ANKS1B: variants seen among roughly 807,000 people sequenced by gnomAD.
The protein encoded by ANKS1B is ankyrin repeat and sterile alpha motif domain containing 1B, also known as ankyrin repeat and sterile alpha motif domain-containing protein 1B.
ANKS1B carries 36 observed loss-of-function variants against 148.3 expected under a neutral mutation model. The observed-to-expected ratio is 0.24, with a 90% CI of 0.19 to 0.32. The LOEUF is 0.32. ANKS1B is among the 10% of genes least tolerant of loss of function. The pLI is 1.00. For synonymous variants in ANKS1B, 542 were observed against 560.8 expected (o/e 0.97, Z 0.47); for missense variants, 1,157 against 1,542.6 (o/e 0.75, Z 4.19).
intron 15 of ANKS1B, among the ~76,000 whole-genome samples, chr12:99,118,911 T>C (rs1350502397): frequency 6.6e-6 from 1 of 152,216 alleles, no homozygotes; most frequent in Non-Finnish European, 1.5e-5. Context: ...GATCAGTTTT[T>C]GGTCTCGGGG....
intron 24 of ANKS1B, among the ~76,000 whole-genome samples, chr12:98,778,479 C>G (rs996979875): frequency 1.3e-5 from 2 of 152,186 alleles, no homozygotes; most frequent in African/African-American, 4.8e-5. Context: ...TGCTTCAAAT[C>G]AAAGTGGCCC....
At chr12:99,387,130 T>G (rs2093893721) in intron 12 of ANKS1B, among the ~76,000 whole-genome samples, 1 of 150,754 alleles carries the variant, frequency 6.6e-6, no homozygotes. Flanking sequence ...CTAGGGGGAG[T>G]ATGGATGCAA....
At chr12:99,756,746 A>C (rs1406070530) in intron 8 of ANKS1B, among the ~76,000 whole-genome samples, 1 of 152,226 alleles carries the variant, frequency 6.6e-6, no homozygotes, top group Admixed American at 6.6e-5. Flanking sequence ...CCAATGGAAC[A>C]GTATAGAGAA....
intron 14 of ANKS1B, among the ~76,000 whole-genome samples, chr12:99,172,743 A>G (rs976461085): frequency 6.7e-6 from 1 of 148,794 alleles, no homozygotes; most frequent in Non-Finnish European, 1.5e-5. Context: ...TTACAAAGTG[A>G]TGAAAAATAA....
chr12:99,037,399 C>T (rs2099956214), intron 17 of ANKS1B, among the ~76,000 whole-genome samples: 1 of 152,002 alleles, frequency 6.6e-6, no homozygotes, highest in Non-Finnish European at 1.5e-5. Flanking sequence ...CCCTGTAATC[C>T]TAGCTACTCG....
At chr12:98,942,904 C>G (rs1426689012) in intron 17 of ANKS1B, among the ~76,000 whole-genome samples, 2 of 152,158 alleles carry the variant, frequency 1.3e-5, no homozygotes, top group Non-Finnish European at 2.9e-5. Flanking sequence ...TCAGAATCGT[C>G]CTCTTTAAAT....
chr12:99,787,514 A>C (rs966775585), intron 4 of ANKS1B, among the ~76,000 whole-genome samples: 2 of 152,362 alleles, frequency 1.3e-5, no homozygotes, highest in South Asian at 4.1e-4. Context: ...AGGAGAACAG[A>C]CTAATACAAT....
intron 14 of ANKS1B, among the ~76,000 whole-genome samples, chr12:99,241,960 C>T (rs575877344): frequency 6.6e-6 from 1 of 152,264 alleles, no homozygotes; most frequent in African/African-American, 2.4e-5. Flanking sequence ...CGGGCAAAAA[C>T]TGGAAGCATT....
At chr12:98,786,063 C>T (rs1324926922) in intron 22 of ANKS1B, among the ~76,000 whole-genome samples, 1 of 152,160 alleles carries the variant, frequency 6.6e-6, no homozygotes, top group Non-Finnish European at 1.5e-5. Flanking sequence ...CCTCTGAGTA[C>T]ATAAGCAGAT....
In ANKS1B at chr12:98,832,022, C is replaced by T; in HGVS notation, c.2886+7G>A. 1 of 1,578,124 alleles carries T rather than the reference C, an allele frequency of 6.3e-7. No individual in the cohort carries two copies. The highest frequency in any genetic ancestry group is 8.6e-7 in the Non-Finnish European group (1 of 1,160,894). On this transcript the variant is annotated splice_region_variant and intron_variant, in intron 18 of 26. Coordinates refer to ENST00000683438, the MANE Select transcript of ANKS1B (RefSeq NM_001352186.2). ...CAGAGAACCAGATGAATGTGCTTGG[C>T]ACTTACCCTGAGGGTGATGGACCGA...
chr12:99,682,600 A>G (rs1450409437), intron 8 of ANKS1B, among the ~76,000 whole-genome samples: 1 of 152,212 alleles, frequency 6.6e-6, no homozygotes, highest in Non-Finnish European at 1.5e-5. Flanking sequence ...GGGATACAGC[A>G]AAAGTGGTGC....
intron 11 of ANKS1B, among the ~76,000 whole-genome samples, chr12:99,434,706 G>A (rs2095431671): frequency 1.3e-5 from 2 of 151,918 alleles, no homozygotes; most frequent in African/African-American, 4.8e-5. Context: ...TCAAGTTAAT[G>A]TCTAAACTCA....
chr12:99,868,115 T>A (rs193191360), intron 1 of ANKS1B, among the ~76,000 whole-genome samples: 24 of 152,168 alleles, frequency 1.6e-4, no homozygotes, highest in Admixed American at 3.3e-4. Context: ...AAAAAGAAAC[T>A]AGCAAACTGG....
chr12:98,781,117 C>T lies in ANKS1B; in HGVS notation c.3441G>A (p.Lys1147=). ...KGVKFIDATN[K]NIIAEHEIRN... Reference sequence around the variant, plus strand: ...AACCAGAGAGAGGAGTGGTACTTACCTTATTTGTTGCATCAATAAATTTGA... The same window carrying T: ...AACCAGAGAGAGGAGTGGTACTTACTTTATTTGTTGCATCAATAAATTTGA... Residue 1147 remains lysine (K), a splice_region_variant and synonymous_variant, in exon 24 of 27, where the codon AAG becomes AAA. Transcript: ENST00000683438. 1 of 1,551,316 alleles carries T rather than the reference C, an allele frequency of 6.4e-7. No homozygotes were observed. Among genetic ancestry groups the T allele is most frequent in the Non-Finnish European group, 8.8e-7 (1 of 1,139,892 alleles).
At position 98,992,384 on chromosome 12, in the gene ANKS1B, A is replaced by T. The variant is rs146954942; in HGVS notation, c.2778+60773T>A. 2.0e-5 allele frequency among the ~76,000 whole-genome samples: 3 copies of T among 152,066 alleles called. No homozygotes were observed. In the East Asian group the frequency reaches 5.8e-4, roughly 29 times the overall value. On this transcript the variant is annotated intron_variant, in intron 17 of 26. Transcript: ENST00000683438. ...TTTAATCCCACATGTCCAGGGAGGG[A>T]CCTGTAATCCCCATGTGTCAAGGGA...
chr12:99,951,757 G>A (rs1422734890), intron 1 of ANKS1B, among the ~76,000 whole-genome samples: 1 of 151,952 alleles, frequency 6.6e-6, no homozygotes, highest in African/African-American at 2.4e-5. Context: ...AATGGCCCAT[G>A]CCTGTAGTCC....
rs10539640 is a variant in ANKS1B at position 99,812,511 on chromosome 12, CCACACA to C, written c.216-206_216-201del. ...TTACCTGGAAAACCATCACCCCATG[CCACACA>C]CACACACACACACACACACACACAC... On this transcript the variant is annotated intron_variant, in intron 2 of 26. Transcript: ENST00000683438. Among the ~76,000 whole-genome samples, 579 of 126,060 alleles carry C rather than the reference CCACACA, an allele frequency of 4.6e-3. 4 individuals are homozygous for C. The highest frequency in any genetic ancestry group is 0.021 in the East Asian group (87 of 4,192). The allele number at this position is 126,060 out of a possible 152,430, so 82.7% of individuals were successfully genotyped here. A position where few individuals can be genotyped will look rare whatever the true frequency, so the allele number is the denominator to read the frequency against.
At chr12:99,469,435 TATAATA>T (rs1052217878) in intron 10 of ANKS1B, among the ~76,000 whole-genome samples, 1 of 151,938 alleles carries the variant, frequency 6.6e-6, no homozygotes, top group Non-Finnish European at 1.5e-5. Context: ...AAACTTAAAG[TATAATA>T]ATAATAAAAT....
intron 17 of ANKS1B, among the ~76,000 whole-genome samples, chr12:99,001,552 A>C (rs2153368469): frequency 6.7e-6 from 1 of 150,186 alleles, no homozygotes; most frequent in East Asian, 1.9e-4. Context: ...AAAATTGTAT[A>C]TATTTGAGGT....
Sources: allele counts gnomAD v4.1 joint callset (sites outside exome capture counted in the v4.1 genomes callset), GRCh38; gene constraint gnomAD v4.1.1; transcripts MANE v1.5; gene names NCBI Gene and HGNC (gene_info 2026-07-23, HGNC 2026-07-21).